The following MXI1 variants were observed in gnomAD, a reference collection of about 807,000 sequenced individuals.
MXI1 encodes the protein MAX interactor 1, dimerization protein, also known as max-interacting protein 1.
MXI1 carries 18 observed loss-of-function variants against 36.9 expected under a neutral mutation model. The ratio of observed to expected loss-of-function variants is 0.49; its 90% CI spans 0.34 to 0.72. The LOEUF (loss-of-function observed/expected upper bound fraction) is 0.72. MXI1 is among the 30% of genes least tolerant of loss of function. The pLI, the probability that MXI1 is intolerant of heterozygous loss-of-function variation, is 0.01. For missense variants in MXI1, 304 were observed against 379.1 expected (o/e 0.80, Z 1.64); for synonymous variants, 160 against 146.7 (o/e 1.09, Z -0.65).
chr10:110,253,832 C>A (rs1295361707), intron 3 of MXI1, among the ~76,000 whole-genome samples: 1 of 151,832 alleles, frequency 6.6e-6, no homozygotes, highest in Admixed American at 6.6e-5. Flanking sequence ...ATGAAAATAC[C>A]TTAGAGTAAC....
At chr10:110,252,253 A>G (rs1328576641) in intron 3 of MXI1, among the ~76,000 whole-genome samples, 1 of 152,196 alleles carries the variant, frequency 6.6e-6, no homozygotes, top group Non-Finnish European at 1.5e-5. Flanking sequence ...CTACTGCAGC[A>G]AGGAAAAAAG....
chr10:110,280,212 C>A, intron 5 of MXI1, 127 bp downstream of exon 5: 1 of 742,812 alleles, frequency 1.3e-6, no homozygotes, highest in Non-Finnish European at 1.9e-6. Context: ...AGGTTTTATG[C>A]AATCATAATA....
At chr10:110,264,892 A>G (rs1856635615) in intron 3 of MXI1, among the ~76,000 whole-genome samples, 1 of 152,192 alleles carries the variant, frequency 6.6e-6, no homozygotes, top group Non-Finnish European at 1.5e-5. Context: ...TGATTTTTAA[A>G]CATTAGCTTG....
At chr10:110,266,486 A>C (rs1350049069) in intron 3 of MXI1, among the ~76,000 whole-genome samples, 1 of 152,188 alleles carries the variant, frequency 6.6e-6, no homozygotes, top group Non-Finnish European at 1.5e-5. Context: ...TGTGGTGGCA[A>C]TGTTGGTGAA....
intron 3 of MXI1, among the ~76,000 whole-genome samples, chr10:110,267,057 A>T (rs1856696731): frequency 6.6e-6 from 1 of 152,204 alleles, no homozygotes; most frequent in Admixed American, 6.5e-5. Flanking sequence ...TTGAAGTGTA[A>T]TGGCTAAATT....
intron 2 of MXI1, among the ~76,000 whole-genome samples, chr10:110,237,653 G>C (rs1855520928): frequency 6.6e-6 from 1 of 152,194 alleles, no homozygotes; most frequent in South Asian, 2.1e-4. Flanking sequence ...ACAGATGCCA[G>C]CCATAAGTTC....
intron 1 of MXI1, chr10:110,225,877 C>T (rs1248110967): frequency 2.2e-6 from 1 of 464,532 alleles, no homozygotes; most frequent in Non-Finnish European, 2.8e-6. Context: ...GTGTGCACTA[C>T]GATTCCCGGC....
At chr10:110,222,139 A>G (rs1211079588) in intron 1 of MXI1, among the ~76,000 whole-genome samples, 1 of 152,186 alleles carries the variant, frequency 6.6e-6, no homozygotes, top group Non-Finnish European at 1.5e-5. Context: ...AGGAGGCTGC[A>G]GTAGTCATTT....
chr10:110,228,127 T>G, intron 1 of MXI1, 62 bp from the exon 2 acceptor site: 5 of 1,576,876 alleles, frequency 3.2e-6, no homozygotes, highest in Non-Finnish European at 4.3e-6. Flanking sequence ...CTCGGATTTG[T>G]GGGTCAATGG....
At chr10:110,266,534 C>T (rs1856683224) in intron 3 of MXI1, among the ~76,000 whole-genome samples, 1 of 152,176 alleles carries the variant, frequency 6.6e-6, no homozygotes, top group South Asian at 2.1e-4. Context: ...AAAGCCTCAA[C>T]TGGGACAGAT....
intron 5 of MXI1, among the ~76,000 whole-genome samples, chr10:110,283,302 C>T (rs1156440193): frequency 1.3e-5 from 2 of 148,804 alleles, no homozygotes; most frequent in Admixed American, 6.8e-5. Context: ...CTCGCTCTGT[C>T]GCCTAGGCTG....
chr10:110,274,782 C>T (rs776197940), intron 3 of MXI1, among the ~76,000 whole-genome samples: 1 of 151,694 alleles, frequency 6.6e-6, no homozygotes, highest in African/African-American at 2.4e-5. Context: ...TTTCATGAAT[C>T]GTTATTCTCT....
intron 2 of MXI1, 53 bp from the exon 3 acceptor site, chr10:110,244,775 A>G (rs764749880): frequency 1.5e-5 from 22 of 1,498,368 alleles, no homozygotes; most frequent in Non-Finnish European, 1.8e-5. Flanking sequence ...CTGTCTTTCT[A>G]TAGCTTTAGC....
chr10:110,236,669 C>T (rs1231874262), intron 2 of MXI1, among the ~76,000 whole-genome samples: 1 of 152,166 alleles, frequency 6.6e-6, no homozygotes, highest in Non-Finnish European at 1.5e-5. Context: ...CCATGTTGCC[C>T]AGGCTGGTCT....
chr10:110,237,847 C>T (rs765112422), intron 2 of MXI1, among the ~76,000 whole-genome samples: 2 of 152,176 alleles, frequency 1.3e-5, no homozygotes, highest in Non-Finnish European at 2.9e-5. Context: ...GAGATCAAAG[C>T]CCACTGCAAC....
At chr10:110,260,419 GTGTGTGTGT>G (rs745845537) in intron 3 of MXI1, among the ~76,000 whole-genome samples, 116 of 8,132 alleles carry the variant, frequency 0.014, no homozygotes, top group African/African-American at 0.055. Flanking sequence ...TGATACAGGT[GTGTGTGTGT>G]GTGTGTGTGT....
In MXI1 at chr10:110,280,086, G is replaced by A; in HGVS notation, c.724+1G>A. ...TCAGATCGTTCTGATTCAGAGCGAG[G>A]TAGGCAGCTTGCCTCTTCTCTAATG... On this transcript the variant is annotated splice_donor_variant, in intron 5 of 5. Transcript: ENST00000332674. LOFTEE classifies it high-confidence loss of function. 1 of 1,578,844 alleles carries A rather than the reference G, an allele frequency of 6.3e-7. No homozygotes were observed. The highest frequency in any genetic ancestry group is 8.6e-7 in the Non-Finnish European group (1 of 1,163,430).
Position 110,207,905 on chromosome 10 carries a change from C to T in MXI1, c.97C>T (p.Pro33Ser). 6.9e-7 allele frequency: 1 copy of T among 1,459,380 alleles called. No individual in the cohort carries two copies. The highest frequency in any genetic ancestry group is 9.1e-7 in the Non-Finnish European group (1 of 1,101,258). 90.4% of individuals were successfully genotyped at this position (1,459,380 alleles called of 1,614,324 possible). A position where few individuals can be genotyped will look rare whatever the true frequency, so the allele number is the denominator to read the frequency against. ...PPAVPPAVAA[P>S]QPPALPEDPA... ...GGCTGTGCCCCCCGCCGTGGCCGCG[C>T]CCCAGCCCCCGGCCCTGCCCGAGGA... The change falls in exon 1 of 6, where the codon CCC (proline) becomes TCC (serine). Residue 33 changes from proline to serine, a missense_variant. Around this residue, in one of 2 missense-constraint regions of MXI1, gnomAD observed 179 missense variants for 184.8 expected, o/e 0.97. Coordinates refer to ENST00000332674, the MANE Select transcript of MXI1 (RefSeq NM_130439.3).
chr10:110,245,081 A>T (rs959955158), intron 3 of MXI1, among the ~76,000 whole-genome samples: 1 of 152,122 alleles, frequency 6.6e-6, no homozygotes, highest in Non-Finnish European at 1.5e-5. Context: ...CTCGAATTTG[A>T]GTTTTAGGTA....
Sources: allele counts gnomAD v4.1 joint callset (sites outside exome capture counted in the v4.1 genomes callset), GRCh38; gene constraint gnomAD v4.1.1; regional missense constraint gnomAD v4.1.1; transcripts MANE v1.5; gene names NCBI Gene and HGNC (gene_info 2026-07-23, HGNC 2026-07-21).